AKAP12: variants seen among roughly 807,000 people sequenced by gnomAD.
AKAP12 encodes the protein A-kinase anchor protein 12.
In AKAP12, 32 loss-of-function variants were observed where a neutral mutation model predicts 79.9. The observed-to-expected ratio is 0.40, with a 90% CI of 0.30 to 0.54. The LOEUF (loss-of-function observed/expected upper bound fraction) is 0.54, where lower values mean the gene tolerates loss of function less well. AKAP12 is among the 20% of genes least tolerant of loss of function. AKAP12 has a pLI of 0.48. For missense variants in AKAP12, 2,074 were observed against 2,177.0 expected (o/e 0.95, Z 0.94); for synonymous variants, 808 against 857.0 (o/e 0.94, Z 1.00).
chr6:151,318,612 C>T lies in AKAP12; in HGVS notation c.319+12709C>T, dbSNP rs141915924. ...CGTGAATCCGTTTCCATTCAATGTG[C>T]GGGGTTCTTTGAGCTCTTTCGGTCT... On this transcript the variant is annotated intron_variant, in intron 3 of 4. Coordinates refer to ENST00000402676, the MANE Select transcript of AKAP12 (RefSeq NM_005100.4). 3.7e-3 allele frequency among the ~76,000 whole-genome samples: 567 copies of T among 152,086 alleles called. 3 individuals are homozygous for T. Among genetic ancestry groups the T allele is most frequent in the Non-Finnish European group, 2.9e-3 (197 of 67,988 alleles).
chr6:151,349,835 C>A lies in AKAP12; in HGVS notation c.1444C>A (p.Leu482Ile), dbSNP rs202128437. The change falls in exon 4 of 5, where the codon CTC becomes ATC. Residue 482 changes from leucine (L) to isoleucine (I), a missense_variant. Leu to Ile is a conservative substitution (Grantham distance 5, BLOSUM62 2). Around this residue, in one of 3 missense-constraint regions of AKAP12, gnomAD observed 1,428 missense variants for 1,451.0 expected, o/e 0.98. Transcript: ENST00000402676. The part of the protein sequence containing the change: ...SGEDPTQGAD[L>I]SPDEKVLSKP... ...AGAGGACCCTACACAGGGAGCTGAC[C>A]TCAGTCCTGATGAGAAGGTGCTGTC... is the stretch of plus-strand genomic sequence containing the variant. 15 of 1,614,136 alleles carry A rather than the reference C, an allele frequency of 9.3e-6. No individual in the cohort carries two copies. Among genetic ancestry groups the A allele is most frequent in the Non-Finnish European group, 1.3e-5 (15 of 1,180,034 alleles).
rs1038821803 is a variant in AKAP12 at position 151,356,601 on chromosome 6, T to G, written c.*887T>G. The G allele has an allele frequency of 6.6e-6, 1 of 152,252 alleles. No individual in the cohort carries two copies. The highest frequency in any genetic ancestry group is 6.5e-5 in the Admixed American group (1 of 15,288). 9.4% of individuals were successfully genotyped at this position (152,252 alleles called of 1,614,324 possible). On this transcript the variant is annotated 3_prime_UTR_variant, in exon 5 of 5. Coordinates refer to ENST00000402676, the MANE Select transcript of AKAP12 (RefSeq NM_005100.4). ...TTGATTCTACTCTTATATGCTGGAC[T>G]GCATTCACACATGGCATGAAATAAG...
chr6:151,303,634 G>A (rs916645289), intron 2 of AKAP12, among the ~76,000 whole-genome samples: 1 of 152,208 alleles, frequency 6.6e-6, no homozygotes, highest in African/African-American at 2.4e-5. Context: ...AAGCAGGATG[G>A]AATGATGTCA....
At position 151,309,492 on chromosome 6, in the gene AKAP12, T is replaced by G. The variant is rs58859192; in HGVS notation, c.319+3589T>G. On this transcript the variant is annotated intron_variant, in intron 3 of 4. Transcript: ENST00000402676. ...GCAGACAAAGCTAGAGGTGAAATTT[T>G]TTTTCCCATTTTGATTCACTTGCTC... Among the ~76,000 whole-genome samples, 1,471 of 152,296 alleles carry G rather than the reference T, an allele frequency of 9.7e-3. 23 individuals are homozygous for G. The highest frequency in any genetic ancestry group is 0.032 in the African/African-American group (1,348 of 41,542).
intron 3 of AKAP12, among the ~76,000 whole-genome samples, chr6:151,317,602 T>C (rs569513744): frequency 1.3e-5 from 2 of 152,334 alleles, no homozygotes; most frequent in Admixed American, 1.3e-4. Flanking sequence ...TGAGAACAAC[T>C]TAGTTTGCTT....
chr6:151,277,433 A>T (rs544838213), intron 2 of AKAP12, among the ~76,000 whole-genome samples: 68 of 152,274 alleles, frequency 4.5e-4, no homozygotes, highest in South Asian at 3.9e-3. Flanking sequence ...TGCAAAATGG[A>T]TGGTAAGGCG....
In AKAP12 at chr6:151,357,667, T is replaced by C. The variant is rs1045526545; in HGVS notation, c.*1953T>C. On this transcript the variant is annotated 3_prime_UTR_variant, in exon 5 of 5. Transcript: ENST00000402676. ...TATAATAGCTACCCATGCATCATTATTAAAATCCCCAAATTCAAAAAACCT... is the reference window on the plus strand; with the variant it reads ...TATAATAGCTACCCATGCATCATTACTAAAATCCCCAAATTCAAAAAACCT... 1.3e-5 allele frequency: 2 copies of C among 151,212 alleles called. No homozygotes were observed. Among genetic ancestry groups the C allele is most frequent in the African/African-American group, 4.8e-5 (2 of 41,322 alleles). The allele number at this position is 151,212 out of a possible 1,614,324, so 9.4% of individuals were successfully genotyped here. A position where few individuals can be genotyped will look rare whatever the true frequency, so the allele number is the denominator to read the frequency against.
intron 2 of AKAP12, among the ~76,000 whole-genome samples, chr6:151,267,425 A>G (rs946165653): frequency 6.6e-6 from 1 of 152,220 alleles, no homozygotes; most frequent in African/African-American, 2.4e-5. Flanking sequence ...AAAGTCAGAC[A>G]TGTAGATTTT....
intron 2 of AKAP12, among the ~76,000 whole-genome samples, chr6:151,278,717 GAGTGC>G (rs1419450498): frequency 6.6e-6 from 1 of 151,740 alleles, no homozygotes; most frequent in Non-Finnish European, 1.5e-5. Context: ...ACCCAGGCTG[GAGTGC>G]AGTGGCGCGA....
intron 2 of AKAP12, among the ~76,000 whole-genome samples, chr6:151,284,053 T>G (rs1776455308): frequency 6.6e-6 from 1 of 152,202 alleles, no homozygotes; most frequent in Non-Finnish European, 1.5e-5. Context: ...CGAGCAAGTC[T>G]TAAGCGTATA....
intron 3 of AKAP12, among the ~76,000 whole-genome samples, chr6:151,333,516 C>T (rs6927339): frequency 0.022 from 3,267 of 151,684 alleles, 117 homozygotes; most frequent in African/African-American, 0.075. Flanking sequence ...TTTGGGAGGC[C>T]GACATGAGCG....
chr6:151,327,441 A>G (rs896662817), intron 3 of AKAP12, among the ~76,000 whole-genome samples: 2 of 152,198 alleles, frequency 1.3e-5, no homozygotes, highest in African/African-American at 2.4e-5. Context: ...CCCCCAGATC[A>G]TTAACTTTTC....
intron 3 of AKAP12, chr6:151,348,226 C>T: frequency 5.6e-6 from 2 of 357,006 alleles, no homozygotes; most frequent in Non-Finnish European, 1.1e-5. Flanking sequence ...AATCAGGAGG[C>T]TGAGGTGGGA....
chr6:151,340,820 G>A (rs1477447931), intron 3 of AKAP12, among the ~76,000 whole-genome samples: 1 of 152,104 alleles, frequency 6.6e-6, no homozygotes, highest in Non-Finnish European at 1.5e-5. Context: ...TAGTTGTTTT[G>A]CAGAACGTCC....
At chr6:151,283,977 C>T (rs967401164) in intron 2 of AKAP12, among the ~76,000 whole-genome samples, 7 of 152,232 alleles carry the variant, frequency 4.6e-5, no homozygotes, top group African/African-American at 1.7e-4. Flanking sequence ...CAGCTCCTCT[C>T]TGCAGGCAGA....
At chr6:151,308,678 C>T (rs1299050828) in intron 3 of AKAP12, among the ~76,000 whole-genome samples, 3 of 152,168 alleles carry the variant, frequency 2.0e-5, no homozygotes, top group Non-Finnish European at 4.4e-5. Flanking sequence ...TTAGGTCCAA[C>T]TGCTATTCTC....
At chr6:151,265,279 T>C (rs1056847352) in intron 2 of AKAP12, among the ~76,000 whole-genome samples, 2 of 151,904 alleles carry the variant, frequency 1.3e-5, no homozygotes, top group Non-Finnish European at 2.9e-5. Flanking sequence ...AGTTTACCCC[T>C]TTAAAGTGTA....
intron 2 of AKAP12, among the ~76,000 whole-genome samples, chr6:151,295,756 G>A (rs1271786966): frequency 6.6e-6 from 1 of 152,230 alleles, no homozygotes; most frequent in Non-Finnish European, 1.5e-5. Flanking sequence ...CAGTTGGTGG[G>A]ATGATGTAGC....
rs1383524404 is a variant in AKAP12, at chr6:151,352,740, A to G, written c.4349A>G (p.His1450Arg). The G allele has an allele frequency of 1.2e-6, 2 of 1,614,080 alleles. No homozygotes were observed. Among genetic ancestry groups the G allele is most frequent in the Non-Finnish European group, 1.7e-6 (2 of 1,180,036 alleles). Residue 1450 changes from histidine to arginine, a missense_variant, in exon 4 of 5, where the codon CAT becomes CGT. By Grantham distance (29) the His-to-Arg change is conservative. Transcript: ENST00000402676. Reference sequence around the variant, plus strand: ...GAAACGTTGGAGCCTGCAGGTGCACATTTAGTTCTGGAAGAGAAATCCTCT... The same window carrying G: ...GAAACGTTGGAGCCTGCAGGTGCACGTTTAGTTCTGGAAGAGAAATCCTCT... ...TGETLEPAGA[H>R]LVLEEKSSEK...
Sources: allele counts gnomAD v4.1 joint callset (sites outside exome capture counted in the v4.1 genomes callset), GRCh38; gene constraint gnomAD v4.1.1; regional missense constraint gnomAD v4.1.1; transcripts MANE v1.5; gene names NCBI Gene and HGNC (gene_info 2026-07-23, HGNC 2026-07-21).